The following LUC7L variants were observed in gnomAD, a reference collection of about 807,000 sequenced individuals.
LUC7L encodes the protein LUC7 like, also known as putative RNA-binding protein Luc7-like 1.
LUC7L carries 29 observed loss-of-function variants against 51.1 expected under a neutral mutation model. That is an observed-to-expected ratio of 0.57 (90% confidence interval 0.42 to 0.77). LUC7L has a LOEUF of 0.77. LUC7L is among the 30% of genes least tolerant of loss of function. LUC7L has a pLI of 0.00. For synonymous variants in LUC7L, 181 were observed against 180.7 expected (o/e 1.00, Z -0.01); for missense variants, 403 against 511.9 (o/e 0.79, Z 2.05).
intron 2 of LUC7L, among the ~76,000 whole-genome samples, chr16:223,702 C>T (rs1002484337): frequency 4.0e-5 from 6 of 151,530 alleles, no homozygotes; most frequent in Non-Finnish European, 8.8e-5. Context: ...CGGAGTCTCA[C>T]TCTGTCGCCC....
chr16:210,812 G>A (rs1286451822), intron 3 of LUC7L, among the ~76,000 whole-genome samples: 2 of 152,120 alleles, frequency 1.3e-5, no homozygotes, highest in African/African-American at 2.4e-5. Flanking sequence ...AGCACTTTGG[G>A]AGGCTGAGGT....
chr16:192,660 G>A (rs986065766), intron 7 of LUC7L, among the ~76,000 whole-genome samples: 30 of 151,914 alleles, frequency 2.0e-4, no homozygotes, highest in African/African-American at 6.8e-4. Flanking sequence ...ATGCCAGCAC[G>A]CCCAGCTAAT....
At chr16:216,406 G>A (rs531178854) in intron 3 of LUC7L, among the ~76,000 whole-genome samples, 10 of 138,318 alleles carry the variant, frequency 7.2e-5, no homozygotes, top group Non-Finnish European at 1.1e-4. Flanking sequence ...TTTTTGAGAC[G>A]GAGTCTCGCT....
chr16:227,923 C>T (rs878907799), intron 1 of LUC7L: 2 of 1,002,072 alleles, frequency 2.0e-6, no homozygotes, highest in Non-Finnish European at 2.4e-6. Context: ...AAGACAATAC[C>T]AAAAAAAGCA....
Position 195,652 on chromosome 16 carries a change from G to C in LUC7L, c.688-2637C>G, listed in dbSNP as rs187781848. Among the ~76,000 whole-genome samples the C allele has an allele frequency of 3.3e-3, 495 of 152,232 alleles. 1 individual carries two copies. The highest frequency in any genetic ancestry group is 0.011 in the African/African-American group (464 of 41,536). On this transcript the variant is annotated intron_variant, in intron 6 of 9. Coordinates refer to ENST00000293872, the MANE Select transcript of LUC7L (RefSeq NM_201412.3). ...TTGCCCACGCTGGTCTCAAACTCCT[G>C]GATTCAATCGATTCTCCTGCCTTGG...
rs2050217431 is a variant in LUC7L at position 229,393 on chromosome 16, G to A, written c.-54C>T. The A allele has an allele frequency of 1.3e-5, 19 of 1,420,144 alleles. No individual in the cohort carries two copies. The highest frequency in any genetic ancestry group is 1.6e-5 in the Non-Finnish European group (17 of 1,076,710). The allele number at this position is 1,420,144 out of a possible 1,614,324, so 88.0% of individuals were successfully genotyped here. On this transcript the variant is annotated 5_prime_UTR_variant, in exon 1 of 10. Coordinates refer to ENST00000293872, the MANE Select transcript of LUC7L (RefSeq NM_201412.3). Reference sequence around the variant, plus strand: ...CGCGACGACTTCTCTCAGGCAGGCGGTGGCAGCGGCGTCGACAAACGATGG... The same window carrying A: ...CGCGACGACTTCTCTCAGGCAGGCGATGGCAGCGGCGTCGACAAACGATGG...
Position 208,206 on chromosome 16 carries a change from C to T in LUC7L, c.256-18G>A. ...TCCATTGCCTAGCACGGGAAAAGCA[C>T]AGCGCTATAATCAATGATGTGTAAA... On this transcript the variant is annotated intron_variant, in intron 3 of 9. Coordinates refer to ENST00000293872, the MANE Select transcript of LUC7L (RefSeq NM_201412.3). 6.5e-7 allele frequency: 1 copy of T among 1,544,206 alleles called. No individual in the cohort carries two copies. The highest frequency in any genetic ancestry group is 2.2e-5 in the East Asian group (1 of 44,548).
chr16:228,804 G>T, intron 1 of LUC7L: 2 of 1,289,524 alleles, frequency 1.6e-6, no homozygotes, highest in Non-Finnish European at 2.0e-6. Flanking sequence ...GAAAAGCTCA[G>T]TTTACGGTTC....
intron 7 of LUC7L, among the ~76,000 whole-genome samples, chr16:190,978 C>T (rs1465795122): frequency 6.6e-6 from 1 of 152,152 alleles, no homozygotes; most frequent in Non-Finnish European, 1.5e-5. Context: ...GCACCTCCCC[C>T]AAAGACCTGC....
chr16:219,537 C>T (rs960129613), intron 3 of LUC7L, among the ~76,000 whole-genome samples: 26 of 152,122 alleles, frequency 1.7e-4, no homozygotes, highest in Non-Finnish European at 2.5e-4. Flanking sequence ...TATAATCATG[C>T]TGCTGCACTC....
chr16:227,621 T>C, intron 1 of LUC7L: 2 of 1,226,748 alleles, frequency 1.6e-6, no homozygotes, highest in Non-Finnish European at 2.1e-6. Context: ...AAAAGGCCAT[T>C]GGCTCCACAT....
chr16:229,348 G>A lies in LUC7L; in HGVS notation c.-9C>T, dbSNP rs778061788. The A allele has an allele frequency of 3.3e-6, 5 of 1,499,422 alleles. No homozygotes were observed. Among genetic ancestry groups the A allele is most frequent in the Non-Finnish European group, 3.5e-6 (4 of 1,127,368 alleles). 92.9% of individuals were successfully genotyped at this position (1,499,422 alleles called of 1,614,324 possible). A position where few individuals can be genotyped will look rare whatever the true frequency, so the allele number is the denominator to read the frequency against. On this transcript the variant is annotated 5_prime_UTR_variant, in exon 1 of 10. Coordinates refer to ENST00000293872, the MANE Select transcript of LUC7L (RefSeq NM_201412.3). ...TGCGCCTGGGCGGACATGGTAGCCG[G>A]CGGAGGCGACGGGGTCGGCCGCGAC...
At chr16:217,653 G>T (rs1399475386) in intron 3 of LUC7L, among the ~76,000 whole-genome samples, 6 of 149,688 alleles carry the variant, frequency 4.0e-5, no homozygotes, top group Non-Finnish European at 8.9e-5. Flanking sequence ...GTTGCAGTGG[G>T]CCGAGATCAC....
intron 1 of LUC7L, chr16:228,646 T>C: frequency 2.5e-6 from 3 of 1,182,050 alleles, no homozygotes; most frequent in Non-Finnish European, 3.2e-6. Flanking sequence ...TGCAACCGCT[T>C]TCTCCTGTGA....
intron 2 of LUC7L, among the ~76,000 whole-genome samples, chr16:221,439 C>T (rs999035783): frequency 1.3e-5 from 2 of 152,090 alleles, no homozygotes; most frequent in African/African-American, 2.4e-5. Context: ...TGGTGGCTCA[C>T]GCCTGTAATC....
chr16:193,985 A>G (rs1341118883), intron 6 of LUC7L, among the ~76,000 whole-genome samples: 1 of 151,432 alleles, frequency 6.6e-6, no homozygotes, highest in Non-Finnish European at 1.5e-5. Context: ...TTGTATTTTT[A>G]GTAGAGACAG....
At chr16:207,243 G>A (rs949101709) in intron 4 of LUC7L, among the ~76,000 whole-genome samples, 1 of 150,644 alleles carries the variant, frequency 6.6e-6, no homozygotes, top group African/African-American at 2.4e-5. Context: ...TTCTTTTGAG[G>A]CAGGGTCTCA....
intron 8 of LUC7L, 23 bp downstream of exon 8, chr16:190,518 T>G: frequency 6.2e-7 from 1 of 1,612,960 alleles, no homozygotes; most frequent in South Asian, 1.1e-5. Flanking sequence ...TTTGAGAACA[T>G]TTTAATGGAC....
intron 7 of LUC7L, 72 bp downstream of exon 7, chr16:192,855 A>T (rs998337115): frequency 1.7e-5 from 22 of 1,318,498 alleles, no homozygotes; most frequent in Non-Finnish European, 2.3e-5. Flanking sequence ...TATTCCAAGC[A>T]ACAGTGGAAT....
Sources: allele counts gnomAD v4.1 joint callset (sites outside exome capture counted in the v4.1 genomes callset), GRCh38; gene constraint gnomAD v4.1.1; transcripts MANE v1.5; gene names NCBI Gene and HGNC (gene_info 2026-07-23, HGNC 2026-07-21).